The following ENOX1 variants were observed in gnomAD, a reference collection of about 807,000 sequenced individuals.
ENOX1 encodes candidate growth-related and time keeping constitutive hydroquinone (NADH) oxidase.
In ENOX1, 42 loss-of-function variants were observed where a neutral mutation model predicts 82.5. The observed-to-expected ratio is 0.51, with a 90% CI of 0.40 to 0.66. The LOEUF (loss-of-function observed/expected upper bound fraction) is 0.66. Ranked by LOEUF, ENOX1 falls within the 30% of genes least tolerant of loss-of-function variation. The pLI is 0.00. For missense variants in ENOX1, 608 were observed against 811.6 expected (o/e 0.75, Z 3.05); for synonymous variants, 271 against 282.2 (o/e 0.96, Z 0.40).
chr13:43,330,869 T>C, intron 9 of ENOX1, among the ~76,000 whole-genome samples: 1 of 152,228 alleles, frequency 6.6e-6, no homozygotes, highest in Non-Finnish European at 1.5e-5. Context: ...CACACATATA[T>C]GTATATATTC....
At chr13:43,618,849 T>C (rs1390479042) in intron 2 of ENOX1, among the ~76,000 whole-genome samples, 4 of 152,206 alleles carry the variant, frequency 2.6e-5, no homozygotes, top group East Asian at 1.9e-4. Context: ...ATTCACAACA[T>C]TGATTCTACT....
At chr13:43,715,479 C>A (rs962845919) in intron 1 of ENOX1, among the ~76,000 whole-genome samples, 1 of 151,842 alleles carries the variant, frequency 6.6e-6, no homozygotes, top group Non-Finnish European at 1.5e-5. Context: ...ATCTTTGTGG[C>A]GTTCTCTGTA....
chr13:43,693,702 C>T (rs771629502), intron 1 of ENOX1, among the ~76,000 whole-genome samples: 2 of 152,112 alleles, frequency 1.3e-5, no homozygotes, highest in African/African-American at 2.4e-5. Context: ...AGGATAAACG[C>T]ATGCACAGGT....
At chr13:43,430,705 A>G (rs1482516119) in intron 3 of ENOX1, among the ~76,000 whole-genome samples, 2 of 152,228 alleles carry the variant, frequency 1.3e-5, no homozygotes, top group Non-Finnish European at 2.9e-5. Context: ...TTTACTTTAT[A>G]TTCAGTAAAT....
intron 2 of ENOX1, among the ~76,000 whole-genome samples, chr13:43,595,772 AG>A (rs1436238973): frequency 2.6e-5 from 4 of 152,228 alleles, no homozygotes; most frequent in Non-Finnish European, 5.9e-5. Context: ...GCTAAAATAA[AG>A]GCTAAGGTTT....
At chr13:43,332,962 C>T (rs2048492488) in intron 9 of ENOX1, among the ~76,000 whole-genome samples, 1 of 152,128 alleles carries the variant, frequency 6.6e-6, no homozygotes, top group Non-Finnish European at 1.5e-5. Flanking sequence ...CTAGCACATC[C>T]ATCCAGAAAA....
At chr13:43,708,128 C>G (rs1419415711) in intron 1 of ENOX1, among the ~76,000 whole-genome samples, 1 of 152,160 alleles carries the variant, frequency 6.6e-6, no homozygotes. Flanking sequence ...TGAGTGGGCT[C>G]AAGCATGAGC....
At chr13:43,403,102 C>T (rs755759892) in intron 5 of ENOX1, among the ~76,000 whole-genome samples, 14 of 151,980 alleles carry the variant, frequency 9.2e-5, no homozygotes, top group Admixed American at 5.2e-4. Context: ...AAAAATATTT[C>T]TCTAGTTTTA....
chr13:43,321,114 T>C (rs756106031), intron 11 of ENOX1: 49 of 456,152 alleles, frequency 1.1e-4, no homozygotes, highest in Non-Finnish European at 1.6e-4. Context: ...AAGATTAAAA[T>C]GAATGAATTT....
chr13:43,255,618 T>TTA (rs1334064034), intron 14 of ENOX1, among the ~76,000 whole-genome samples: 1 of 152,112 alleles, frequency 6.6e-6, no homozygotes, highest in Non-Finnish European at 1.5e-5. Flanking sequence ...TCAGTAGTAT[T>TTA]TATATATGCC....
At chr13:43,472,056 C>T (rs901212725) in intron 3 of ENOX1, among the ~76,000 whole-genome samples, 2 of 151,386 alleles carry the variant, frequency 1.3e-5, no homozygotes, top group Non-Finnish European at 1.5e-5. Flanking sequence ...AGAAAGCAAT[C>T]CCAGCTTTGT....
chr13:43,749,131 T>C (rs373882413), intron 1 of ENOX1, among the ~76,000 whole-genome samples: 4 of 152,348 alleles, frequency 2.6e-5, no homozygotes, highest in South Asian at 2.1e-4. Context: ...AATTATGTAA[T>C]AGTTTCACGT....
At chr13:43,246,475 C>T (rs1193614182) in intron 14 of ENOX1, among the ~76,000 whole-genome samples, 1 of 152,188 alleles carries the variant, frequency 6.6e-6, no homozygotes, top group Admixed American at 6.5e-5. Context: ...GAAAGGGGAG[C>T]AGGGAGGAAG....
chr13:43,369,825 A>T (rs1009059692), intron 5 of ENOX1, among the ~76,000 whole-genome samples: 3 of 150,864 alleles, frequency 2.0e-5, no homozygotes, highest in Non-Finnish European at 3.0e-5. Flanking sequence ...GGGCAAGGAG[A>T]TCCTCCTGTT....
intron 9 of ENOX1, among the ~76,000 whole-genome samples, chr13:43,344,224 C>T (rs1239595055): frequency 6.6e-6 from 1 of 152,178 alleles, no homozygotes; most frequent in Non-Finnish European, 1.5e-5. Flanking sequence ...GGTGGCGGCC[C>T]TGCAGCTATG....
intron 2 of ENOX1, among the ~76,000 whole-genome samples, chr13:43,494,373 TCA>T (rs2076723112): frequency 6.6e-6 from 1 of 152,180 alleles, no homozygotes; most frequent in Non-Finnish European, 1.5e-5. Flanking sequence ...ACCACGTACA[TCA>T]TGTTTGCAAA....
intron 1 of ENOX1, among the ~76,000 whole-genome samples, chr13:43,764,053 G>A (rs1951134047): frequency 6.6e-6 from 1 of 152,018 alleles, no homozygotes; most frequent in African/African-American, 2.4e-5. Context: ...CTCTCTTACC[G>A]CTGACATAAA....
intron 14 of ENOX1, among the ~76,000 whole-genome samples, chr13:43,237,024 T>C (rs552746852): frequency 6.6e-6 from 1 of 152,360 alleles, no homozygotes; most frequent in Admixed American, 6.5e-5. Context: ...TTAAACTCTG[T>C]TCATTAAAAC....
At chr13:43,495,239 A>G (rs2076752479) in intron 2 of ENOX1, among the ~76,000 whole-genome samples, 1 of 152,292 alleles carries the variant, frequency 6.6e-6, no homozygotes, top group African/African-American at 2.4e-5. Context: ...TGTACAGTTC[A>G]CTAGGCTTTG....
Sources: allele counts gnomAD v4.1 joint callset (sites outside exome capture counted in the v4.1 genomes callset), GRCh38; gene constraint gnomAD v4.1.1; transcripts MANE v1.5; gene names NCBI Gene and HGNC (gene_info 2026-07-23, HGNC 2026-07-21).